The following ACAT2 variants were observed in gnomAD, a reference collection of about 807,000 sequenced individuals.
ACAT2 encodes acetyl-CoA acetyltransferase, cytosolic.
In ACAT2, 26 loss-of-function variants were observed where a neutral mutation model predicts 37.1. The ratio of observed to expected loss-of-function variants is 0.70; its 90% confidence interval spans 0.51 to 0.97. The LOEUF is 0.97. ACAT2 is among the 50% of genes least tolerant of loss of function. ACAT2 has a pLI of 0.00. For synonymous variants in ACAT2, 156 were observed against 163.6 expected, an observed-to-expected ratio of 0.95 and a Z score of 0.35; for missense variants, 468 against 489.0, an observed-to-expected ratio of 0.96 and a Z score of 0.40.
At chr6:159,772,510 T>C (rs1780353367) in intron 4 of ACAT2, among the ~76,000 whole-genome samples, 1 of 152,184 alleles carries the variant, frequency 6.6e-6, no homozygotes, top group Non-Finnish European at 1.5e-5. Flanking sequence ...AATAACAGAT[T>C]ACTCACATGG....
chr6:159,776,361 TA>T, intron 6 of ACAT2, 89 bp downstream of exon 6: 1 of 1,450,028 alleles, frequency 6.9e-7, no homozygotes, highest in Non-Finnish European at 9.2e-7. Context: ...TATACAAAAG[TA>T]CTATTTTTTG....
At chr6:159,774,640 C>T (rs1780386441) in intron 4 of ACAT2, among the ~76,000 whole-genome samples, 2 of 152,076 alleles carry the variant, frequency 1.3e-5, no homozygotes, top group East Asian at 1.9e-4. Flanking sequence ...GACAGGGTCT[C>T]GCTGTGCCCA....
chr6:159,762,664 T>G, intron 1 of ACAT2: 1 of 1,464,816 alleles, frequency 6.8e-7, no homozygotes. Flanking sequence ...TCCTTCGGAT[T>G]TGGGGAAATA....
chr6:159,778,448 A>T, intron 8 of ACAT2, 168 bp downstream of exon 8: 1 of 663,168 alleles, frequency 1.5e-6, no homozygotes, highest in Non-Finnish European at 2.4e-6. Flanking sequence ...AAAAAAAAAA[A>T]AGACATTGGC....
chr6:159,762,767 C>G, intron 1 of ACAT2, 152 bp from the exon 2 acceptor site: 1 of 1,587,282 alleles, frequency 6.3e-7, no homozygotes, highest in Non-Finnish European at 8.5e-7. Context: ...GACCTTTGCT[C>G]AGACCAGCAG....
At chr6:159,771,455 T>C (rs1487249123) in intron 4 of ACAT2, among the ~76,000 whole-genome samples, 4 of 151,740 alleles carry the variant, frequency 2.6e-5, no homozygotes, top group Non-Finnish European at 5.9e-5. Context: ...ATGCATGGAA[T>C]AGGAATCTCA....
Position 159,762,912 on chromosome 6 carries a change from A to G in ACAT2, c.56-7A>G, listed in dbSNP as rs772332390. ...TGATGTCCACGCTCTCCGCCTTTCT[A>G]TTGTAGGTTCCTTCAATGGTGCCTT... On this transcript the variant is annotated splice_region_variant and splice_polypyrimidine_tract_variant and intron_variant, in intron 1 of 8. Coordinates refer to ENST00000367048, the MANE Select transcript of ACAT2 (RefSeq NM_005891.3). The G allele has an allele frequency of 1.5e-5, 24 of 1,609,930 alleles. No homozygotes were observed. In the East Asian group the frequency reaches 2.7e-4, roughly 18 times the overall value.
chr6:159,775,323 T>A lies in ACAT2; in HGVS notation c.634+10T>A. The stretch of plus-strand genomic sequence containing the variant: ...GTGTCAACTAGAAAAGGTGAGTATA[T>A]CATAGTGGTTTAAACATCAACCTAT... On this transcript the variant is annotated intron_variant, in intron 5 of 8. Transcript: ENST00000367048. 1 of 1,613,214 alleles carries A rather than the reference T, an allele frequency of 6.2e-7. No individual in the cohort carries two copies. The highest frequency in any genetic ancestry group is 2.2e-5 in the East Asian group (1 of 44,882).
chr6:159,769,982 G>A (rs1189857058), intron 4 of ACAT2, among the ~76,000 whole-genome samples: 1 of 152,212 alleles, frequency 6.6e-6, no homozygotes, highest in Non-Finnish European at 1.5e-5. Flanking sequence ...GGAGATAAAA[G>A]TTCTGGACAA....
chr6:159,772,616 C>T (rs1008911169), intron 4 of ACAT2, among the ~76,000 whole-genome samples: 1 of 152,092 alleles, frequency 6.6e-6, no homozygotes, highest in African/African-American at 2.4e-5. Context: ...TGTAAAGCTT[C>T]TAGAAGTATA....
At chr6:159,770,443 TA>T (rs1296462924) in intron 4 of ACAT2, among the ~76,000 whole-genome samples, 1 of 150,652 alleles carries the variant, frequency 6.6e-6, no homozygotes, top group Non-Finnish European at 1.5e-5. Flanking sequence ...ATCTCAGGAG[TA>T]AAAGGAAAAA....
chr6:159,772,809 CAAAAAAAAA>C (rs79050096), intron 4 of ACAT2, among the ~76,000 whole-genome samples: 1 of 119,188 alleles, frequency 8.4e-6, no homozygotes, highest in South Asian at 2.6e-4. Flanking sequence ...CATCATCCAA[CAAAAAAAAA>C]AAAAAAGAAA....
chr6:159,778,562 G>T, intron 8 of ACAT2, 97 bp from the exon 9 acceptor site: 1 of 1,355,230 alleles, frequency 7.4e-7, no homozygotes, highest in Non-Finnish European at 1.0e-6. Context: ...GTTTGAAAGG[G>T]TAGCATGCTG....
At chr6:159,770,195 AT>A (rs2114980141) in intron 4 of ACAT2, among the ~76,000 whole-genome samples, 1 of 152,346 alleles carries the variant, frequency 6.6e-6, no homozygotes, top group East Asian at 1.9e-4. Flanking sequence ...TTCTCTAAAG[AT>A]AATAAAATCT....
chr6:159,771,106 G>A (rs777552367), intron 4 of ACAT2, among the ~76,000 whole-genome samples: 2 of 137,164 alleles, frequency 1.5e-5, no homozygotes, highest in Non-Finnish European at 3.1e-5. Flanking sequence ...AATAGGCCAG[G>A]TGTGGTGGCT....
chr6:159,762,146 A>T lies in ACAT2; in HGVS notation c.55+4A>T, dbSNP rs1299109649. ...TCGGCGGCGCGGACCATCATAGGTG[A>T]GTGGCCGGCGGGAGCCGCGCAGAGT... On this transcript the variant is annotated splice_donor_region_variant and intron_variant, in intron 1 of 8. Coordinates refer to ENST00000367048, the MANE Select transcript of ACAT2 (RefSeq NM_005891.3). 2 of 1,610,090 alleles carry T rather than the reference A, an allele frequency of 1.2e-6. No homozygotes were observed. The highest frequency in any genetic ancestry group is 1.7e-6 in the Non-Finnish European group (2 of 1,178,312).
chr6:159,766,281 T>C (rs1306178298), intron 2 of ACAT2, among the ~76,000 whole-genome samples: 1 of 152,226 alleles, frequency 6.6e-6, no homozygotes, highest in Non-Finnish European at 1.5e-5. Flanking sequence ...CTTTTTCTTC[T>C]CAAGTGTCTT....
rs1780393296 is a variant in ACAT2 at position 159,775,175 on chromosome 6, A to C, written c.496A>C (p.Asn166His). 1 of 1,613,246 alleles carries C rather than the reference A, an allele frequency of 6.2e-7. No homozygotes were observed. The change falls in exon 5 of 9, where the codon AAT (asparagine) becomes CAT (histidine). Residue 166 changes from asparagine to histidine, a missense_variant. Asn to His is a moderately conservative substitution (Grantham distance 68, BLOSUM62 1). Coordinates refer to ENST00000367048, the MANE Select transcript of ACAT2 (RefSeq NM_005891.3). Reference sequence around the variant, plus strand: ...CTGTTTTTCTCCTTTCCCAGCTGAAAATGTAGCCAAAAAATGGCAAGTGAG... The same window carrying C: ...CTGTTTTTCTCCTTTCCCAGCTGAACATGTAGCCAAAAAATGGCAAGTGAG... ...HNCHMGITAE[N>H]VAKKWQVSRE...
chr6:159,766,380 A>C (rs767808605), intron 2 of ACAT2, among the ~76,000 whole-genome samples: 1 of 150,384 alleles, frequency 6.6e-6, no homozygotes, highest in Non-Finnish European at 1.5e-5. Flanking sequence ...TAGGTTTGAT[A>C]ATGCTTATTT....
Sources: allele counts gnomAD v4.1 joint callset (sites outside exome capture counted in the v4.1 genomes callset), GRCh38; gene constraint gnomAD v4.1.1; transcripts MANE v1.5; gene names NCBI Gene and HGNC (gene_info 2026-07-23, HGNC 2026-07-21).